The following VPS13A variants were observed in gnomAD, a reference collection of about 807,000 sequenced individuals.
VPS13A encodes vacuolar protein sorting 13 homolog A, also known as intermembrane lipid transfer protein VPS13A.
VPS13A carries 264 observed loss-of-function variants against 390.9 expected under a neutral mutation model. The ratio of observed to expected loss-of-function variants is 0.68; its 90% CI spans 0.61 to 0.75. The LOEUF (loss-of-function observed/expected upper bound fraction) is 0.75, where lower values mean the gene tolerates loss of function less well. VPS13A is among the 30% of genes least tolerant of loss of function. The probability of loss-of-function intolerance (pLI) is 0.00; values close to 1 mark genes in which losing one functional copy is unlikely to be tolerated. For synonymous variants in VPS13A, 1,231 were observed against 1,227.1 expected, an observed-to-expected ratio of 1.00 and a Z score of -0.07; for missense variants, 3,409 against 3,733.9, an observed-to-expected ratio of 0.91 and a Z score of 2.27.
chr9:77,415,853 C>A, intron 71 of VPS13A, 103 bp from the exon 72 acceptor site: 1 of 1,379,916 alleles, frequency 7.2e-7, no homozygotes, highest in Non-Finnish European at 1.0e-6. Flanking sequence ...AGTATTACAC[C>A]TAACTAAACT....
At chr9:77,381,925 T>C (rs549131486) in intron 67 of VPS13A, 51 bp from the exon 68 acceptor site, 2 of 1,221,674 alleles carry the variant, frequency 1.6e-6, no homozygotes, top group African/African-American at 3.1e-5. Flanking sequence ...ATAGTTTATT[T>C]ACAAGTTTTT....
intron 6 of VPS13A, 112 bp from the exon 7 acceptor site, chr9:77,210,504 A>G: frequency 9.7e-7 from 1 of 1,034,558 alleles, no homozygotes. Flanking sequence ...TTGGCCTTCC[A>G]GAGTGCTGGG....
At chr9:77,223,406 A>G (rs1434784581) in intron 13 of VPS13A, among the ~76,000 whole-genome samples, 2 of 152,214 alleles carry the variant, frequency 1.3e-5, no homozygotes, top group African/African-American at 4.8e-5. Context: ...TGTTGAAAGC[A>G]GAGATAGGCC....
At chr9:77,244,339 C>T (rs1292500846) in intron 19 of VPS13A, among the ~76,000 whole-genome samples, 2 of 144,682 alleles carry the variant, frequency 1.4e-5, no homozygotes, top group East Asian at 3.9e-4. Context: ...TTGAAATCCA[C>T]ACTTTGTTGG....
chr9:77,302,848 G>A, intron 33 of VPS13A, 67 bp from the exon 34 acceptor site: 1 of 1,495,814 alleles, frequency 6.7e-7, no homozygotes, highest in Non-Finnish European at 9.3e-7. Flanking sequence ...ATAAATTTAA[G>A]TTAATCTTTT....
intron 11 of VPS13A, 84 bp downstream of exon 11, chr9:77,220,165 C>T (rs2131176382): frequency 6.6e-7 from 1 of 1,520,194 alleles, no homozygotes; most frequent in East Asian, 2.4e-5. Flanking sequence ...CACTAAAATT[C>T]ATGATGTTAT....
At chr9:77,269,347 T>C (rs1227276688) in intron 23 of VPS13A, among the ~76,000 whole-genome samples, 2 of 152,232 alleles carry the variant, frequency 1.3e-5, no homozygotes, top group Non-Finnish European at 2.9e-5. Context: ...GAGTTGACTA[T>C]ATATGTGTAA....
chr9:77,205,055 C>T (rs1825557868), intron 3 of VPS13A, among the ~76,000 whole-genome samples: 1 of 152,106 alleles, frequency 6.6e-6, no homozygotes, highest in African/African-American at 2.4e-5. Flanking sequence ...GTACAGAGAA[C>T]TGTAAATAGA....
chr9:77,398,810 T>C (rs1480214975), intron 68 of VPS13A, among the ~76,000 whole-genome samples: 4 of 152,108 alleles, frequency 2.6e-5, no homozygotes, highest in Non-Finnish European at 5.9e-5. Flanking sequence ...ACAGTCACTC[T>C]AATAACAAAG....
At chr9:77,218,485 G>T (rs59655787) in intron 10 of VPS13A, among the ~76,000 whole-genome samples, 2 of 152,076 alleles carry the variant, frequency 1.3e-5, no homozygotes, top group Non-Finnish European at 2.9e-5. Context: ...CTGGATATTA[G>T]TCCCCTGTAT....
chr9:77,281,780 T>A (rs1422055923), intron 27 of VPS13A, 87 bp from the exon 28 acceptor site: 1 of 784,220 alleles, frequency 1.3e-6, no homozygotes, highest in African/African-American at 1.7e-5. Context: ...GCTGGAAAAT[T>A]ATATAAATGT....
At chr9:77,192,835 G>C (rs1490794727) in intron 1 of VPS13A, among the ~76,000 whole-genome samples, 1 of 152,048 alleles carries the variant, frequency 6.6e-6, no homozygotes, top group South Asian at 2.1e-4. Context: ...TGGTCATCTT[G>C]TATAGTATCT....
At chr9:77,183,460 G>T (rs1053069427) in intron 1 of VPS13A, among the ~76,000 whole-genome samples, 1 of 152,064 alleles carries the variant, frequency 6.6e-6, no homozygotes. Flanking sequence ...TTCTAGACTT[G>T]GATAAATGGG....
chr9:77,221,342 C>A lies in VPS13A; in HGVS notation c.1147C>A (p.Leu383Ile). 1 of 1,612,768 alleles carries A rather than the reference C, an allele frequency of 6.2e-7. No individual in the cohort carries two copies. The highest frequency in any genetic ancestry group is 1.3e-5 in the African/African-American group (1 of 74,982). ...AAGTAAGAAGCCACCTGGTGAACTT[C>A]TCGTGTCTTTGGAGGTTAGCATTTA... is the stretch of plus-strand genomic sequence containing the variant. ...LTSKKPPGEL[L>I]VSLEELEKTL... The change falls in exon 13 of 72, where the codon CTC becomes ATC. Residue 383 changes from leucine (L) to isoleucine (I), a missense_variant. By Grantham distance (5) the Leu-to-Ile change is conservative. This residue lies in a region of VPS13A where 2,717 missense variants were observed against 2,917.4 expected (regional missense o/e 0.93). Coordinates refer to ENST00000360280, the MANE Select transcript of VPS13A (RefSeq NM_033305.3).
In VPS13A at chr9:77,419,951, A is replaced by T. The variant is rs1460419515; in HGVS notation, c.*3945A>T. On this transcript the variant is annotated 3_prime_UTR_variant, in exon 72 of 72. Transcript: ENST00000360280. ...ATATCAATGACTTTTTACTAAAAAC[A>T]GTGGATTTCCTCATTTCTTTAAGAT... The T allele has an allele frequency of 6.6e-6, 1 of 152,030 alleles. No individual in the cohort carries two copies. Among genetic ancestry groups the T allele is most frequent in the Non-Finnish European group, 1.5e-5 (1 of 68,038 alleles). The allele number at this position is 152,030 out of a possible 1,614,324, so 9.4% of individuals were successfully genotyped here.
At position 77,283,336 on chromosome 9, in the gene VPS13A, T is replaced by C. The variant is rs1267399616; in HGVS notation, c.3119-19T>C. 2.1e-6 allele frequency: 3 copies of C among 1,403,506 alleles called. No individual in the cohort carries two copies. The African/African-American group carries it at 4.3e-5, about 20-fold the overall frequency. The allele number at this position is 1,403,506 out of a possible 1,614,324, so 86.9% of individuals were successfully genotyped here. A position where few individuals can be genotyped will look rare whatever the true frequency, so the allele number is the denominator to read the frequency against. The stretch of plus-strand genomic sequence containing the variant: ...AAATGTTTTTCCTCATGTTTTATAA[T>C]ATGAATTTTTTTTTGCAGCTTTAAA... On this transcript the variant is annotated intron_variant, in intron 29 of 71. Coordinates refer to ENST00000360280, the MANE Select transcript of VPS13A (RefSeq NM_033305.3).
chr9:77,215,668 T>C (rs896549278), intron 10 of VPS13A, among the ~76,000 whole-genome samples: 1 of 152,114 alleles, frequency 6.6e-6, no homozygotes, highest in African/African-American at 2.4e-5. Flanking sequence ...AGAAGAAACA[T>C]CCCCTACCCT....
At chr9:77,366,104 T>C (rs753595997) in intron 60 of VPS13A, among the ~76,000 whole-genome samples, 55 of 152,094 alleles carry the variant, frequency 3.6e-4, no homozygotes, top group Non-Finnish European at 6.0e-4. Context: ...CCTTTCAGCT[T>C]ATGACAGAGT....
chr9:77,243,432 T>C lies in VPS13A; in HGVS notation c.1901-3827T>C, dbSNP rs535032912. On this transcript the variant is annotated intron_variant, in intron 19 of 71. Transcript: ENST00000360280. Reference sequence around the variant, plus strand: ...TTTTGGATTTTCAGATTAGGGATGCTCAGCTTGTTATTTTCCCCTTCCTTT... The same window carrying C: ...TTTTGGATTTTCAGATTAGGGATGCCCAGCTTGTTATTTTCCCCTTCCTTT... Among the ~76,000 whole-genome samples, 17 of 152,278 alleles carry C rather than the reference T, an allele frequency of 1.1e-4. No homozygotes were observed. In the South Asian group the frequency reaches 3.5e-3, roughly 32 times the overall value.
Sources: allele counts gnomAD v4.1 joint callset (sites outside exome capture counted in the v4.1 genomes callset), GRCh38; gene constraint gnomAD v4.1.1; regional missense constraint gnomAD v4.1.1; transcripts MANE v1.5; gene names NCBI Gene and HGNC (gene_info 2026-07-23, HGNC 2026-07-21).